EPS8L1: variants seen among roughly 807,000 people sequenced by gnomAD.
The protein encoded by EPS8L1 is EPS8 signaling adaptor L1.
Under a neutral mutation model 91.7 loss-of-function variants are expected in EPS8L1, and 101 were observed. The ratio of observed to expected loss-of-function variants is 1.10; its 90% CI spans 0.94 to 1.30. EPS8L1 has a LOEUF of 1.30. EPS8L1 is among the 50% of genes most tolerant of loss of function. The pLI is 0.00. For synonymous variants in EPS8L1, 506 were observed against 445.3 expected, an observed-to-expected ratio of 1.14 and a Z score of -1.72; for missense variants, 1,114 against 1,017.0, an observed-to-expected ratio of 1.10 and a Z score of -1.30.
In EPS8L1 at chr19:55,086,743, GA is replaced by G. The variant is rs1195370573; in HGVS notation, c.1808del (p.Glu603GlyfsTer57). The G allele has an allele frequency of 1.5e-5, 24 of 1,605,972 alleles. No individual in the cohort carries two copies. The highest frequency in any genetic ancestry group is 4.0e-5 in the African/African-American group (3 of 74,490). On this transcript the variant is annotated frameshift_variant, in exon 18 of 20. Coordinates refer to ENST00000201647, the MANE Select transcript of EPS8L1 (RefSeq NM_133180.3). LOFTEE classifies it high-confidence loss of function. ...ATTCTCCCAGATGCTCATCGTCAAC[GA>G]GGAACTGCAGGCGCGCCTGGCCCAG... is the stretch of plus-strand genomic sequence containing the variant. ...EKFSQMLIVN[E>X]ELQARLAQGR...
chr19:55,081,255 C>T lies in EPS8L1; in HGVS notation c.537C>T (p.Arg179=), dbSNP rs1226395244. Reference sequence around the variant, plus strand: ...GGGCCACGCAGGAGGAGTTGCAGCGCGACCGCTCGCCCGCCGCTGAGACCC... The same window carrying T: ...GGGCCACGCAGGAGGAGTTGCAGCGTGACCGCTCGCCCGCCGCTGAGACCC... ...ALRATQEELQ[R]DRSPAAETPP... is the part of the protein sequence containing the mutation. Residue 179 remains arginine (R), a synonymous_variant, in exon 8 of 20, where the codon CGC becomes CGT. Transcript: ENST00000201647. The surrounding 1 kb of genome is among the most constrained non-coding windows in gnomAD (Gnocchi z 4.9). 5 of 1,508,878 alleles carry T rather than the reference C, an allele frequency of 3.3e-6. No individual in the cohort carries two copies. The highest frequency in any genetic ancestry group is 4.4e-6 in the Non-Finnish European group (5 of 1,137,270). The allele number at this position is 1,508,878 out of a possible 1,614,324, so 93.5% of individuals were successfully genotyped here.
chr19:55,080,373 C>T (rs2076228974), intron 6 of EPS8L1, 95 bp downstream of exon 6: 1 of 1,551,384 alleles, frequency 6.4e-7, no homozygotes, highest in Non-Finnish European at 8.7e-7. Context: ...GGGGCGGGGC[C>T]TGGGGCTAAG....
intron 17 of EPS8L1, 79 bp from the exon 18 acceptor site, chr19:55,086,635 G>C (rs1200209562): frequency 3.1e-6 from 4 of 1,308,062 alleles, no homozygotes; most frequent in East Asian, 2.5e-5. Context: ...ACGCTGGAGC[G>C]CCCCCCCGCC....
At chr19:55,076,141 C>T (rs1294924956) in intron 1 of EPS8L1, among the ~76,000 whole-genome samples, 2 of 31,962 alleles carry the variant, frequency 6.3e-5, no homozygotes, top group East Asian at 1.7e-3. Context: ...GAGATGGGGC[C>T]TGGACTCCTG....
chr19:55,086,076 C>T lies in EPS8L1; in HGVS notation c.1534C>T (p.Arg512Cys), dbSNP rs1163744391. The T allele has an allele frequency of 1.3e-6, 2 of 1,596,772 alleles. No homozygotes were observed. Among genetic ancestry groups the T allele is most frequent in the East Asian group, 2.2e-5 (1 of 44,606 alleles). The change falls in exon 16 of 20, where the codon CGT becomes TGT. Residue 512 changes from arginine (R) to cysteine (C), a missense_variant. Physicochemically the swap from Arg to Cys is radical, Grantham distance 180 (BLOSUM62 -3). Transcript: ENST00000201647. Reference sequence around the variant, plus strand: ...CCACACCCAGGTCCTGGATGACAGTCGTAAGTGGTGGAAGGTTCGGGACCC... The same window carrying T: ...CCACACCCAGGTCCTGGATGACAGTTGTAAGTGGTGGAAGGTTCGGGACCC... ...RDVLEVLDDS[R>C]KWWKVRDPAG...
chr19:55,078,849 GGGCC>G, intron 3 of EPS8L1, 146 bp from the exon 4 acceptor site: 1 of 521,568 alleles, frequency 1.9e-6, no homozygotes, highest in African/African-American at 3.2e-5. Context: ...GAGGGGCTGG[GGGCC>G]TGGACTCCTG....
chr19:55,081,424 G>A lies in EPS8L1; in HGVS notation c.706G>A (p.Asp236Asn). 1 of 1,600,782 alleles carries A rather than the reference G, an allele frequency of 6.2e-7. No homozygotes were observed. Among genetic ancestry groups the A allele is most frequent in the Non-Finnish European group, 8.5e-7 (1 of 1,175,138 alleles). The change falls in exon 8 of 20, where the codon GAC becomes AAC. Residue 236 changes from aspartate (D) to asparagine (N), a missense_variant. Asp to Asn is a conservative substitution (Grantham distance 23). Transcript: ENST00000201647. The surrounding 1 kb of genome is among the most constrained non-coding windows in gnomAD (Gnocchi z 4.9). ...GCCGGTGGGGACCTCGAGCAACGCT[G>A]ACTCGGCCTCCCCGGACCTGGGTCC... ...PEPVGTSSNA[D>N]SASPDLGPRG...
chr19:55,081,803 G>A lies in EPS8L1; in HGVS notation c.805G>A (p.Glu269Lys). Residue 269 changes from glutamate (E) to lysine (K), a missense_variant, in exon 9 of 20, where the codon GAG (glutamate) becomes AAG (lysine). Physicochemically the swap from Glu to Lys is moderately conservative, Grantham distance 56 (BLOSUM62 1). Coordinates refer to ENST00000201647, the MANE Select transcript of EPS8L1 (RefSeq NM_133180.3). This position sits in a 1 kb window ranked among gnomAD's most constrained non-coding sequence, Gnocchi z 4.9. ...DILNHVFDDV[E>K]SFVSRLQKSA... is the part of the protein sequence containing the mutation. ...CCTGAACCACGTGTTCGACGACGTA[G>A]AGAGCTTTGTATCGAGGCTGCAGAA... 1 of 1,612,050 alleles carries A rather than the reference G, an allele frequency of 6.2e-7. No homozygotes were observed. Among genetic ancestry groups the A allele is most frequent in the South Asian group, 1.1e-5 (1 of 91,044 alleles).
rs1367977886 is a variant in EPS8L1 at position 55,083,194 on chromosome 19, T to C, written c.1215-184T>C. Among the ~76,000 whole-genome samples, 1 of 152,142 alleles carries C rather than the reference T, an allele frequency of 6.6e-6. No homozygotes were observed. The highest frequency in any genetic ancestry group is 6.5e-5 in the Admixed American group (1 of 15,282). On this transcript the variant is annotated intron_variant, in intron 12 of 19. Transcript: ENST00000201647. This position sits in a 1 kb window ranked among gnomAD's most constrained non-coding sequence, Gnocchi z 4.7. ...TACAGGCGTGAGCCACCGTGCCCGG[T>C]CTAGAAATATAAATTGCTGTTGAGT...
At chr19:55,086,367 G>T in intron 16 of EPS8L1, 25 bp from the exon 17 acceptor site, 1 of 1,594,628 alleles carries the variant, frequency 6.3e-7, no homozygotes, top group Non-Finnish European at 8.5e-7. Context: ...CCCTAACCCA[G>T]GTACTCTCCT....
Position 55,079,730 on chromosome 19 carries a change from A to G in EPS8L1, c.158A>G (p.His53Arg), listed in dbSNP as rs2076212544. The G allele has an allele frequency of 6.2e-7, 1 of 1,614,172 alleles. No homozygotes were observed. The highest frequency in any genetic ancestry group is 8.5e-7 in the Non-Finnish European group (1 of 1,180,018). ...TGCCTGGGTGAGGACGATGGCGTGC[A>G]TACCGTGGAGGATGCCTCCAGGAAG... ...TFCLGEDDGV[H>R]TVEDASRKLA... The change falls in exon 5 of 20, where the codon CAT becomes CGT. Residue 53 changes from histidine (H) to arginine (R), a missense_variant. His to Arg is a conservative substitution (Grantham distance 29). Coordinates refer to ENST00000201647, the MANE Select transcript of EPS8L1 (RefSeq NM_133180.3).
In EPS8L1 at chr19:55,086,837, C is replaced by G. The variant is rs777409786; in HGVS notation, c.1901C>G (p.Ser634Trp). 1 of 1,535,208 alleles carries G rather than the reference C, an allele frequency of 6.5e-7. No individual in the cohort carries two copies. Among genetic ancestry groups the G allele is most frequent in the East Asian group, 2.5e-5 (1 of 40,384 alleles). The change falls in exon 18 of 20, where the codon TCG becomes TGG. Residue 634 changes from serine to tryptophan, a missense_variant. Transcript: ENST00000201647. ...CCGGAACCGCAGCTCAGCCCGGGCT[C>G]GGACGCCTCCGAGGTCCGCGCCTGG... The part of the protein sequence containing the change: ...RAPEPQLSPG[S>W]DASEVRAWLQ...
chr19:55,083,734 T>TG lies in EPS8L1; in HGVS notation c.1385+91dup. 6.5e-7 allele frequency: 1 copy of TG among 1,529,826 alleles called. No homozygotes were observed. The allele number at this position is 1,529,826 out of a possible 1,614,324, so 94.8% of individuals were successfully genotyped here. ...GCTGACTCCGCCCCCTTTTTTTCTGTGTTTTTCCTTCTGTCTTCCTGGCTC... is the reference window on the plus strand; with the variant it reads ...GCTGACTCCGCCCCCTTTTTTTCTGTGGTTTTTCCTTCTGTCTTCCTGGCTC... On this transcript the variant is annotated intron_variant, in intron 14 of 19. Transcript: ENST00000201647. This position sits in a 1 kb window ranked among gnomAD's most constrained non-coding sequence, Gnocchi z 4.7.
Position 55,086,135 on chromosome 19 carries a change from C to T in EPS8L1, c.1593C>T (p.Ile531=), listed in dbSNP as rs1206491762. 6.2e-7 allele frequency: 1 copy of T among 1,607,672 alleles called. No homozygotes were observed. The highest frequency in any genetic ancestry group is 1.1e-5 in the South Asian group (1 of 90,078). ...AGQEGYVPYN[I]LTPYPGPRLH... is the part of the protein sequence containing the mutation. ...AGGAGGGATATGTGCCCTACAACAT[C>T]CTGACACCCTACCCCGGACCCCGGC... is the stretch of plus-strand genomic sequence containing the variant. The change falls in exon 16 of 20, where the codon ATC becomes ATT. Residue 531 remains isoleucine (I), a synonymous_variant. Transcript: ENST00000201647.
At position 55,079,011 on chromosome 19, in the gene EPS8L1, G is replaced by T. The variant is rs762520768; in HGVS notation, c.71G>T (p.Arg24Leu). The change falls in exon 4 of 20, where the codon CGT becomes CTT. Residue 24 changes from arginine (R) to leucine (L), a missense_variant. Coordinates refer to ENST00000201647, the MANE Select transcript of EPS8L1 (RefSeq NM_133180.3). ...SAKSIYEQRK[R>L]YSTVVMADVS... ...TCTCCCCTGGCAGAGCAGAGGAAGC[G>T]TTACTCCACAGTTGTTATGGCTGAT... is the stretch of plus-strand genomic sequence containing the variant. The T allele has an allele frequency of 2.5e-6, 4 of 1,613,872 alleles. No individual in the cohort carries two copies. The highest frequency in any genetic ancestry group is 2.5e-6 in the Non-Finnish European group (3 of 1,179,954).
chr19:55,082,945 CAG>C (rs1419202593), intron 12 of EPS8L1, among the ~76,000 whole-genome samples: 1 of 152,092 alleles, frequency 6.6e-6, no homozygotes, highest in African/African-American at 2.4e-5. Flanking sequence ...GGTGATGGGA[CAG>C]AGTCTGTGCA....
intron 14 of EPS8L1, chr19:55,084,354 A>C (rs1266143787): frequency 6.5e-6 from 1 of 153,006 alleles, no homozygotes; most frequent in East Asian, 1.9e-4. Context: ...GGGAGGAAAG[A>C]ACATTCCAAG....
At position 55,086,183 on chromosome 19, in the gene EPS8L1, C is replaced by T. The variant is rs765006597; in HGVS notation, c.1641C>T (p.Ala547=). ...GPRLHHSQSP[A]RSLNSTPPPP... ...GGCTGCACCACAGCCAAAGCCCTGC[C>T]CGCAGCCTGGTGAGCCAGCGCAGAC... is the stretch of plus-strand genomic sequence containing the variant. Residue 547 remains alanine (A), a synonymous_variant, in exon 16 of 20, where the codon GCC becomes GCT. Transcript: ENST00000201647. 5.0e-6 allele frequency: 8 copies of T among 1,596,782 alleles called. No homozygotes were observed. The Admixed American group carries it at 1.4e-4, about 27-fold the overall frequency.
intron 14 of EPS8L1, 166 bp from the exon 15 acceptor site, chr19:55,085,675 A>AT: frequency 1.3e-6 from 1 of 768,122 alleles, no homozygotes; most frequent in Non-Finnish European, 2.1e-6. Flanking sequence ...GGAGGGAGCA[A>AT]ATATATTCAG....
Sources: gnomAD v4.1 joint callset for allele counts (sites outside exome capture counted in the v4.1 genomes callset) on GRCh38, gnomAD v4.1.1 for gene constraint, Gnocchi (gnomAD v3.1) non-coding constraint, MANE v1.5 for transcripts, NCBI Gene and HGNC (gene_info 2026-07-23, HGNC 2026-07-21) for gene names.